LPP: variants seen among roughly 807,000 people sequenced by gnomAD.
The protein encoded by LPP is LIM domain containing preferred translocation partner in lipoma, also known as lipoma-preferred partner.
Under a neutral mutation model 60.4 loss-of-function variants are expected in LPP, and 38 were observed. That is an observed-to-expected ratio of 0.63 (90% CI 0.49 to 0.83). The LOEUF is 0.83. LPP is among the 40% of genes least tolerant of loss of function. LPP has a pLI of 0.00. For synonymous variants in LPP, 328 were observed against 290.8 expected (o/e 1.13, Z -1.30); for missense variants, 902 against 783.6 (o/e 1.15, Z -1.80).
chr3:188,441,574 A>G (rs1270136844), intron 4 of LPP, among the ~76,000 whole-genome samples: 1 of 147,418 alleles, frequency 6.8e-6, no homozygotes, highest in African/African-American at 2.5e-5. Context: ...TTTCCATTGC[A>G]ATACTCATTA....
rs563514651 is a variant in LPP at position 188,750,545 on chromosome 3, A to G, written c.1241-9568A>G. Among the ~76,000 whole-genome samples, 14 of 152,236 alleles carry G rather than the reference A, an allele frequency of 9.2e-5. 1 individual carries two copies. The highest frequency in any genetic ancestry group is 3.1e-4 in the African/African-American group (13 of 41,540). On this transcript the variant is annotated intron_variant, in intron 8 of 11. Coordinates refer to ENST00000617246, the MANE Select transcript of LPP (RefSeq NM_001375462.1). ...CTACTCAGGAGGCTGGGGCCAGAGA[A>G]TTGCTTGAACCTGGGAGGCAGAGGT...
chr3:188,749,815 G>C (rs907553898), intron 8 of LPP, among the ~76,000 whole-genome samples: 3 of 152,120 alleles, frequency 2.0e-5, no homozygotes, highest in African/African-American at 7.2e-5. Flanking sequence ...TTTTAATTTA[G>C]GCTAATTATA....
chr3:188,423,138 C>A (rs533374964), intron 4 of LPP, among the ~76,000 whole-genome samples: 6 of 151,920 alleles, frequency 3.9e-5, no homozygotes, highest in African/African-American at 1.5e-4. Flanking sequence ...TGTGATGTAC[C>A]CCTCCCTGTG....
At chr3:188,726,802 T>G (rs1431804518) in intron 8 of LPP, among the ~76,000 whole-genome samples, 2 of 152,146 alleles carry the variant, frequency 1.3e-5, no homozygotes, top group Non-Finnish European at 2.9e-5. Context: ...AGCACATAGA[T>G]GTAGGCATAA....
intron 9 of LPP, among the ~76,000 whole-genome samples, chr3:188,786,442 T>A (rs1264276838): frequency 1.5e-5 from 2 of 131,554 alleles, no homozygotes; most frequent in South Asian, 2.4e-4. Context: ...GGATGTGGAG[T>A]GGAGAGACTG....
At chr3:188,371,641 A>ATATATATATATATAT (rs1553878071) in intron 3 of LPP, among the ~76,000 whole-genome samples, 1 of 32,166 alleles carries the variant, frequency 3.1e-5, no homozygotes, top group African/African-American at 1.2e-4. Context: ...ATATATATAT[A>ATATATATATATATAT]TTTTTTTTTT....
At chr3:188,433,666 G>T (rs1291470377) in intron 4 of LPP, among the ~76,000 whole-genome samples, 1 of 145,358 alleles carries the variant, frequency 6.9e-6, no homozygotes, top group Admixed American at 6.9e-5. Context: ...GAGAGGAAAG[G>T]GAGAAAGAGG....
At chr3:188,218,120 G>C (rs987095317) in intron 1 of LPP, among the ~76,000 whole-genome samples, 2 of 152,194 alleles carry the variant, frequency 1.3e-5, no homozygotes, top group South Asian at 4.1e-4. Context: ...GGTCTGGAAG[G>C]CTCAGTGGGA....
At chr3:188,457,585 CG>C (rs148790703) in intron 4 of LPP, among the ~76,000 whole-genome samples, 3,880 of 151,926 alleles carry the variant, frequency 0.026, 175 homozygotes, top group African/African-American at 0.089. Flanking sequence ...CACTTCCACT[CG>C]TTAGGGGTAT....
chr3:188,664,617 CTGTGTGTGTGTG>C (rs750223155), intron 7 of LPP, among the ~76,000 whole-genome samples: 12 of 147,184 alleles, frequency 8.2e-5, no homozygotes, highest in Non-Finnish European at 1.8e-4. Flanking sequence ...GTGTGTGTGT[CTGTGTGTGTGTG>C]TGTGTGTGGA....
chr3:188,160,007 G>T (rs1717737483), intron 1 of LPP, among the ~76,000 whole-genome samples: 1 of 152,144 alleles, frequency 6.6e-6, no homozygotes, highest in African/African-American at 2.4e-5. Flanking sequence ...CCACCCCCTG[G>T]GTTCAAGTGA....
chr3:188,507,454 A>G (rs1186268574), intron 5 of LPP, among the ~76,000 whole-genome samples: 1 of 151,606 alleles, frequency 6.6e-6, no homozygotes, highest in East Asian at 1.9e-4. Flanking sequence ...CGAAAGGGGG[A>G]AAAAATAAAT....
intron 7 of LPP, among the ~76,000 whole-genome samples, chr3:188,703,045 G>A (rs749726653): frequency 6.6e-5 from 10 of 152,184 alleles, no homozygotes; most frequent in Non-Finnish European, 1.2e-4. Flanking sequence ...TCCAGAAATA[G>A]GATTACATGT....
intron 4 of LPP, among the ~76,000 whole-genome samples, chr3:188,419,631 G>A (rs533913686): frequency 5.3e-5 from 8 of 152,140 alleles, no homozygotes; most frequent in South Asian, 2.1e-4. Flanking sequence ...GGTGGCTCAC[G>A]CCTGTAATCC....
intron 2 of LPP, among the ~76,000 whole-genome samples, chr3:188,301,678 A>G (rs1378239703): frequency 1.3e-5 from 2 of 151,776 alleles, no homozygotes; most frequent in Non-Finnish European, 2.9e-5. Flanking sequence ...TATTATTATT[A>G]TTATTTGAGA....
chr3:188,298,872 T>C lies in LPP; in HGVS notation c.-66-42791T>C, dbSNP rs557152228. On this transcript the variant is annotated intron_variant, in intron 2 of 11. Coordinates refer to ENST00000617246, the MANE Select transcript of LPP (RefSeq NM_001375462.1). ...GTGGGATGGGTTCTGTTCTAGAAGTTTGCATGAGCAGAGGGAAGCTTAGCC... is the reference window on the plus strand; with the variant it reads ...GTGGGATGGGTTCTGTTCTAGAAGTCTGCATGAGCAGAGGGAAGCTTAGCC... 5.9e-5 allele frequency among the ~76,000 whole-genome samples: 9 copies of C among 152,308 alleles called. No individual in the cohort carries two copies. In the South Asian group the frequency reaches 1.0e-3, roughly 18 times the overall value.
chr3:188,318,753 C>CTTTTTTT lies in LPP; in HGVS notation c.-66-22893_-66-22887dup, dbSNP rs10708836. Among the ~76,000 whole-genome samples, 511 of 96,818 alleles carry CTTTTTTT rather than the reference C, an allele frequency of 5.3e-3. 19 individuals carry two copies. Among genetic ancestry groups the CTTTTTTT allele is most frequent in the Middle Eastern group, 6.8e-3 (1 of 146 alleles). The allele number at this position is 96,818 out of a possible 152,430, so 63.5% of individuals were successfully genotyped here. On this transcript the variant is annotated intron_variant, in intron 2 of 11. Coordinates refer to ENST00000617246, the MANE Select transcript of LPP (RefSeq NM_001375462.1). The stretch of plus-strand genomic sequence containing the variant: ...AAAAAATTGAAAAAAAATTATGATT[C>CTTTTTTT]TTTTTTTTTTTTTTTTTTTTTTTGA...
intron 5 of LPP, among the ~76,000 whole-genome samples, chr3:188,521,798 A>G (rs192378547): frequency 5.9e-5 from 9 of 152,154 alleles, no homozygotes; most frequent in Non-Finnish European, 1.3e-4. Flanking sequence ...CCAGGGAAAG[A>G]TTTAAGCAGA....
intron 2 of LPP, among the ~76,000 whole-genome samples, chr3:188,240,724 C>T (rs1300801017): frequency 6.6e-6 from 1 of 152,108 alleles, no homozygotes; most frequent in Non-Finnish European, 1.5e-5. Context: ...TGGGATTCTT[C>T]CCTCAGACAT....
Sources: allele counts gnomAD v4.1 joint callset (sites outside exome capture counted in the v4.1 genomes callset), GRCh38; gene constraint gnomAD v4.1.1; transcripts MANE v1.5; gene names NCBI Gene and HGNC (gene_info 2026-07-23, HGNC 2026-07-21).